OTC: variants seen among roughly 807,000 people sequenced by gnomAD.
The protein encoded by OTC is ornithine transcarbamylase.
In OTC, 3 loss-of-function variants were observed where a neutral mutation model predicts 30.3. The observed-to-expected ratio is 0.10, with a 90% CI of 0.05 to 0.26. The LOEUF (loss-of-function observed/expected upper bound fraction) is 0.26, where lower values mean the gene tolerates loss of function less well. Among genes scored for constraint, OTC ranks in the 10% least tolerant of loss-of-function variants. The probability of loss-of-function intolerance (pLI) is 1.00; values close to 1 mark genes in which losing one functional copy is unlikely to be tolerated. For missense variants in OTC, 194 were observed against 260.3 expected, an observed-to-expected ratio of 0.75 and a Z score of 1.75; for synonymous variants, 111 against 99.7, an observed-to-expected ratio of 1.11 and a Z score of -0.67.
the OTC span, among the ~76,000 whole-genome samples, chrX:38,333,051 T>C: frequency 1.8e-5 from 2 of 108,702 alleles, no homozygotes; most frequent in African/African-American, 3.4e-5. Flanking sequence ...CTGTCTCTAC[T>C]AAAAATACAA....
downstream of OTC, among the ~76,000 whole-genome samples, chrX:38,421,668 G>T (rs2068596397): frequency 8.9e-6 from 1 of 112,057 alleles, no homozygotes; most frequent in Non-Finnish European, 1.9e-5. Flanking sequence ...CCAATAACTT[G>T]TGAGAATGTG....
chrX:38,347,166 G>A, the OTC span, among the ~76,000 whole-genome samples: 1 of 111,860 alleles, frequency 8.9e-6, no homozygotes, highest in Admixed American at 9.5e-5. Flanking sequence ...GCCAAATTGT[G>A]TATTAGTTAG....
chrX:38,374,056 C>T (rs2068334374), intron 3 of OTC, among the ~76,000 whole-genome samples: 1 of 110,618 alleles, frequency 9.0e-6, no homozygotes, highest in Non-Finnish European at 1.9e-5. Flanking sequence ...CCCAGCCAAT[C>T]GGGAGGCTGA....
intron 3 of OTC, among the ~76,000 whole-genome samples, chrX:38,372,942 C>T (rs2068329665): frequency 8.9e-6 from 1 of 112,120 alleles, no homozygotes; most frequent in Non-Finnish European, 1.9e-5. Flanking sequence ...CTGTTCCAAG[C>T]CTGAGTTTCA....
upstream of OTC, among the ~76,000 whole-genome samples, chrX:38,350,051 A>G (rs1418527660): frequency 9.0e-6 from 1 of 110,679 alleles, no homozygotes; most frequent in Non-Finnish European, 1.9e-5. Context: ...GATTCTTGCA[A>G]TTCATCAAAA....
intron 1 of OTC, among the ~76,000 whole-genome samples, chrX:38,360,233 T>C (rs2068265039): frequency 9.0e-6 from 1 of 111,374 alleles, no homozygotes; most frequent in Non-Finnish European, 1.9e-5. Context: ...AATTCTTTCT[T>C]ATACAAATTG....
At chrX:38,376,933 G>A (rs1055776911) in intron 3 of OTC, among the ~76,000 whole-genome samples, 1 of 111,999 alleles carries the variant, frequency 8.9e-6, no homozygotes, top group African/African-American at 3.2e-5. Context: ...AAATAATCCA[G>A]ACTGAAAATC....
intron 1 of OTC, among the ~76,000 whole-genome samples, chrX:38,358,601 C>G (rs970127071): frequency 9.3e-6 from 1 of 107,741 alleles, no homozygotes; most frequent in East Asian, 2.8e-4. Context: ...CATAACCCCC[C>G]CTCACTAGCT....
At chrX:38,343,770 G>A in the OTC span, among the ~76,000 whole-genome samples, 7 of 112,152 alleles carry the variant, frequency 6.2e-5, no homozygotes, top group Non-Finnish European at 1.9e-5. Flanking sequence ...AGAGAGAAGC[G>A]AGATTATACT....
intron 4 of OTC, among the ~76,000 whole-genome samples, chrX:38,386,485 C>A (rs760907230): frequency 9.0e-6 from 1 of 110,585 alleles, no homozygotes; most frequent in South Asian, 3.9e-4. Context: ...CCCCTGGCAA[C>A]CACCATTCTA....
chrX:38,336,162 A>G, the OTC span, among the ~76,000 whole-genome samples: 1 of 111,106 alleles, frequency 9.0e-6, no homozygotes, highest in Admixed American at 9.7e-5. Flanking sequence ...ACAGCATTAG[A>G]CCTGTTACTA....
intron 6 of OTC, among the ~76,000 whole-genome samples, chrX:38,406,355 G>A (rs1183779365): frequency 8.9e-6 from 1 of 111,931 alleles, no homozygotes; most frequent in African/African-American, 3.2e-5. Context: ...TTGTAAAATT[G>A]CTCCATAAAC....
intron 2 of OTC, 86 bp downstream of exon 2, chrX:38,367,515 A>G (rs1344159811): frequency 2.4e-6 from 2 of 835,976 alleles, no homozygotes; most frequent in East Asian, 3.2e-5. Flanking sequence ...GGAAAAAAAT[A>G]CATTAAAATT....
At chrX:38,380,514 T>A (rs2068370379) in intron 3 of OTC, among the ~76,000 whole-genome samples, 1 of 111,588 alleles carries the variant, frequency 9.0e-6, no homozygotes, top group Non-Finnish European at 1.9e-5. Flanking sequence ...TGTCACCATC[T>A]CCCATAATTT....
intron 4 of OTC, among the ~76,000 whole-genome samples, chrX:38,400,759 C>A (rs1327570746): frequency 8.9e-6 from 1 of 112,636 alleles, no homozygotes; most frequent in Non-Finnish European, 1.9e-5. Context: ...TGCTGCAGGG[C>A]ATCCGAAGGT....
intron 1 of OTC, among the ~76,000 whole-genome samples, chrX:38,365,904 G>T (rs1238316255): frequency 8.9e-6 from 1 of 112,211 alleles, no homozygotes; most frequent in Non-Finnish European, 1.9e-5. Flanking sequence ...CCTCCTGGAG[G>T]GGTGGGGGAA....
In OTC at chrX:38,367,311, A is replaced by G; in HGVS notation, c.98A>G (p.Asn33Ser). 1 of 1,208,516 alleles carries G rather than the reference A, an allele frequency of 8.3e-7. No homozygotes were observed. Among genetic ancestry groups the G allele is most frequent in the Admixed American group, 2.2e-5 (1 of 46,061 alleles). Reference protein sequence around the residue: ...RNFRCGQPLQNKVQLKGRDLL... With the variant: ...RNFRCGQPLQSKVQLKGRDLL... ...TACAGGTGTGGACAACCACTACAAA[A>G]TAAAGTGCAGCTGAAGGGCCGTGAC... Residue 33 changes from asparagine (N) to serine (S), a missense_variant, in exon 2 of 10, where the codon AAT becomes AGT. Asn to Ser is a conservative substitution (Grantham distance 46). Transcript: ENST00000039007.
intron 4 of OTC, among the ~76,000 whole-genome samples, chrX:38,389,746 T>C (rs2147335106): frequency 8.9e-6 from 1 of 111,909 alleles, no homozygotes; most frequent in Non-Finnish European, 1.9e-5. Flanking sequence ...AGTCACAGTT[T>C]GGTTCAATTC....
At chrX:38,407,538 CA>C (rs769566374) in intron 6 of OTC, among the ~76,000 whole-genome samples, 2 of 111,611 alleles carry the variant, frequency 1.8e-5, no homozygotes, top group African/African-American at 6.5e-5. Context: ...TTTGAACTGA[CA>C]AGACTTCCAT....
Sources: gnomAD v4.1 joint callset for allele counts (sites outside exome capture counted in the v4.1 genomes callset) on GRCh38, gnomAD v4.1.1 for gene constraint, MANE v1.5 for transcripts, NCBI Gene and HGNC (gene_info 2026-07-23, HGNC 2026-07-21) for gene names.